Variants in GTF3C1 observed in about 807,000 individuals in gnomAD.
GTF3C1 encodes general transcription factor IIIC subunit 1, also known as general transcription factor 3C polypeptide 1.
GTF3C1 carries 57 observed loss-of-function variants against 226.7 expected under a neutral mutation model. That is an observed-to-expected ratio of 0.25 (90% CI 0.20 to 0.31). The LOEUF (loss-of-function observed/expected upper bound fraction) is 0.31. Ranked by LOEUF, GTF3C1 falls within the 10% of genes least tolerant of loss-of-function variation. The probability of loss-of-function intolerance (pLI) is 1.00; values close to 1 mark genes in which losing one functional copy is unlikely to be tolerated. For synonymous variants in GTF3C1, 1,090 were observed against 1,084.8 expected, an observed-to-expected ratio of 1.00 and a Z score of -0.09; for missense variants, 2,217 against 2,776.1, an observed-to-expected ratio of 0.80 and a Z score of 4.53.
intron 6 of GTF3C1, among the ~76,000 whole-genome samples, chr16:27,520,920 T>C (rs1026482702): frequency 6.6e-6 from 1 of 152,252 alleles, no homozygotes; most frequent in African/African-American, 2.4e-5. Context: ...GGTTTCACCA[T>C]GTTGGCCAGG....
chr16:27,546,939 G>A (rs911786638), intron 1 of GTF3C1, among the ~76,000 whole-genome samples: 2 of 151,878 alleles, frequency 1.3e-5, no homozygotes, highest in Non-Finnish European at 1.5e-5. Context: ...GCTAATTTTT[G>A]TATTTTTAGT....
chr16:27,492,147 A>G lies in GTF3C1; in HGVS notation c.3151+191T>C, dbSNP rs561404357. ...GGGCTCAACTGAGTGGGGGAACCGG[A>G]AGCACCCCACCCATTCAAGGCCCGC... On this transcript the variant is annotated intron_variant, in intron 19 of 36. Coordinates refer to ENST00000356183, the MANE Select transcript of GTF3C1 (RefSeq NM_001520.4). The surrounding 1 kb of genome is among the most constrained non-coding windows in gnomAD (Gnocchi z 5.0). Among the ~76,000 whole-genome samples, 1 of 152,306 alleles carries G rather than the reference A, an allele frequency of 6.6e-6. No homozygotes were observed. Among genetic ancestry groups the G allele is most frequent in the South Asian group, 2.1e-4 (1 of 4,810 alleles).
chr16:27,520,754 C>T (rs750190074), intron 6 of GTF3C1, among the ~76,000 whole-genome samples: 1 of 152,174 alleles, frequency 6.6e-6, no homozygotes, highest in African/African-American at 2.4e-5. Context: ...GAGTTTTGCT[C>T]TGTCGCCCAG....
Position 27,511,888 on chromosome 16 carries a change from C to T in GTF3C1, c.987G>A (p.Met329Ile), listed in dbSNP as rs1429475674. 1 of 1,614,096 alleles carries T rather than the reference C, an allele frequency of 6.2e-7. No individual in the cohort carries two copies. The change falls in exon 7 of 37, where the codon ATG becomes ATA. Residue 329 changes from methionine (M) to isoleucine (I), a missense_variant. Met to Ile is a conservative substitution (Grantham distance 10). This residue lies in a region of GTF3C1 where 163 missense variants were observed against 234.3 expected (regional missense o/e 0.70). Transcript: ENST00000356183. ...CCTTCAGCAGCTTGAGGCACCGAAC[C>T]ATGACGTCGGTCCCTGGCAACACAA... ...PCKTKKGTDV[M>I]VRCLKLLKEF...
rs549950557 is a variant in GTF3C1, at chr16:27,504,760, C to T, written c.1770+1139G>A. Among the ~76,000 whole-genome samples, 9 of 151,644 alleles carry T rather than the reference C, an allele frequency of 5.9e-5. No individual in the cohort carries two copies. In the East Asian group the frequency reaches 1.6e-3, roughly 26 times the overall value. On this transcript the variant is annotated intron_variant, in intron 10 of 36. Coordinates refer to ENST00000356183, the MANE Select transcript of GTF3C1 (RefSeq NM_001520.4). ...ATGAAACCATCTCTACAAAAAAATA[C>T]AAAAATTAGCCAGGCGCAGTGGCAT... is the stretch of plus-strand genomic sequence containing the variant.
intron 32 of GTF3C1, among the ~76,000 whole-genome samples, chr16:27,468,902 GCA>G (rs1429725443): frequency 6.6e-6 from 1 of 152,212 alleles, no homozygotes; most frequent in Non-Finnish European, 1.5e-5. Context: ...TTTCCTAAGA[GCA>G]CACACTTTAG....
At chr16:27,541,634 T>C (rs1418364554) in intron 2 of GTF3C1, among the ~76,000 whole-genome samples, 1 of 152,118 alleles carries the variant, frequency 6.6e-6, no homozygotes, top group Non-Finnish European at 1.5e-5. Context: ...GGAGTCAGGT[T>C]GAAGTCTGAA....
At chr16:27,546,402 G>A (rs555500302) in intron 1 of GTF3C1, among the ~76,000 whole-genome samples, 1 of 146,010 alleles carries the variant, frequency 6.8e-6, no homozygotes, top group African/African-American at 2.6e-5. Flanking sequence ...TTTCTTCCAT[G>A]TGCCTCTTAC....
chr16:27,502,938 C>G lies in GTF3C1; in HGVS notation c.1828G>C (p.Glu610Gln). 6.2e-7 allele frequency: 1 copy of G among 1,613,510 alleles called. No individual in the cohort carries two copies. Among genetic ancestry groups the G allele is most frequent in the South Asian group, 1.1e-5 (1 of 90,988 alleles). The change falls in exon 11 of 37, where the codon GAA becomes CAA. Residue 610 changes from glutamate to glutamine, a missense_variant. Glu to Gln is a conservative substitution (Grantham distance 29). Coordinates refer to ENST00000356183, the MANE Select transcript of GTF3C1 (RefSeq NM_001520.4). ...RHSSGQDKPH[E>Q]TYRLLKRRNL... ...CTGCGTTTCAGCAGTCGGTAAGTTTCGTGTGGTTTGTCTTGGCCTGAGCTG... is the reference window on the plus strand; with the variant it reads ...CTGCGTTTCAGCAGTCGGTAAGTTTGGTGTGGTTTGTCTTGGCCTGAGCTG...
In GTF3C1 at chr16:27,484,225, G is replaced by T; in HGVS notation, c.3987C>A (p.Ala1329=). The T allele has an allele frequency of 6.2e-7, 1 of 1,607,192 alleles. No homozygotes were observed. The highest frequency in any genetic ancestry group is 8.5e-7 in the Non-Finnish European group (1 of 1,173,706). The change falls in exon 25 of 37, where the codon GCC becomes GCA. Residue 1329 remains alanine (A), a synonymous_variant. Transcript: ENST00000356183. The part of the protein sequence containing the change: ...RARYIVKNPQ[A]YLNYKVCLAE... ...ATGAGGCTTACTTATAGTTGAGATAGGCCTGTGGGTTTTTGACTATGTAGC... is the reference window on the plus strand; with the variant it reads ...ATGAGGCTTACTTATAGTTGAGATATGCCTGTGGGTTTTTGACTATGTAGC...
At chr16:27,532,583 T>G (rs2088933889) in intron 5 of GTF3C1, among the ~76,000 whole-genome samples, 1 of 152,068 alleles carries the variant, frequency 6.6e-6, no homozygotes, top group Admixed American at 6.5e-5. Context: ...CAGCCTCTGC[T>G]CTGGGGCCCA....
chr16:27,492,493 T>C lies in GTF3C1; in HGVS notation c.2996A>G (p.Asn999Ser), dbSNP rs1169362065. Residue 999 changes from asparagine (N) to serine (S), a missense_variant, in exon 19 of 37, where the codon AAT becomes AGT. Around this residue, in one of 12 missense-constraint regions of GTF3C1, gnomAD observed 353 missense variants for 411.7 expected, o/e 0.86. Transcript: ENST00000356183. The surrounding 1 kb of genome is among the most constrained non-coding windows in gnomAD (Gnocchi z 5.0). ...GATGGTAGTGTCAACAATGACTGCA[T>C]TCTTCTTCAAGAAGATAAAGACCTA... ...KDQVFIFLKKNAVIVDTTICD... is the reference protein window; with the variant it reads ...KDQVFIFLKKSAVIVDTTICD... 2 of 1,613,330 alleles carry C rather than the reference T, an allele frequency of 1.2e-6. No individual in the cohort carries two copies. Among genetic ancestry groups the C allele is most frequent in the African/African-American group, 2.7e-5 (2 of 74,878 alleles).
chr16:27,504,629 G>C (rs2088456372), intron 10 of GTF3C1, among the ~76,000 whole-genome samples: 1 of 152,162 alleles, frequency 6.6e-6, no homozygotes, highest in Non-Finnish European at 1.5e-5. Flanking sequence ...GAATGAAACA[G>C]CAGTGGCCAG....
Position 27,486,079 on chromosome 16 carries a change from G to A in GTF3C1, c.3776C>T (p.Thr1259Met), listed in dbSNP as rs374165710. The A allele has an allele frequency of 2.0e-4, 324 of 1,607,698 alleles. No individual in the cohort carries two copies. The highest frequency in any genetic ancestry group is 2.5e-4 in the Non-Finnish European group (297 of 1,174,346). ...EADQSALQRM[T>M]RLRVTWSMQE... ...CATAGACCAGGTGACACGAAGCCGC[G>A]TCATCCGCTGCAGGGCACTCTGGTC... Residue 1259 changes from threonine (T) to methionine (M), a missense_variant, in exon 24 of 37, where the codon ACG (threonine) becomes ATG (methionine). Around this residue, in one of 12 missense-constraint regions of GTF3C1, gnomAD observed 546 missense variants for 663.0 expected, o/e 0.82. Coordinates refer to ENST00000356183, the MANE Select transcript of GTF3C1 (RefSeq NM_001520.4).
At position 27,530,624 on chromosome 16, in the gene GTF3C1, G is replaced by T. The variant is rs796280067; in HGVS notation, c.850-1903C>A. On this transcript the variant is annotated intron_variant, in intron 5 of 36. Transcript: ENST00000356183. Reference sequence around the variant, plus strand: ...CCAGCTGTTGACTAGACATCACCAGGGGATAGTCATGGAAGATCTTCATAC... The same window carrying T: ...CCAGCTGTTGACTAGACATCACCAGTGGATAGTCATGGAAGATCTTCATAC... Among the ~76,000 whole-genome samples, 6 of 152,102 alleles carry T rather than the reference G, an allele frequency of 3.9e-5. No individual in the cohort carries two copies. In the South Asian group the frequency reaches 1.2e-3, roughly 32 times the overall value.
intron 10 of GTF3C1, among the ~76,000 whole-genome samples, chr16:27,504,666 A>G (rs907840733): frequency 6.6e-6 from 1 of 151,972 alleles, no homozygotes; most frequent in African/African-American, 2.4e-5. Flanking sequence ...CTGGAATCCC[A>G]GCACTTTGGG....
In GTF3C1 at chr16:27,538,271, G is replaced by A; in HGVS notation, c.517C>T (p.Leu173=). 1 of 1,609,790 alleles carries A rather than the reference G, an allele frequency of 6.2e-7. No homozygotes were observed. Among genetic ancestry groups the A allele is most frequent in the Non-Finnish European group, 8.5e-7 (1 of 1,176,002 alleles). The part of the protein sequence containing the change: ...IGQEGDPDLK[L]PDFSYCILER... The stretch of plus-strand genomic sequence containing the variant: ...AGGATGCAGTAGGAGAAGTCGGGCA[G>A]CTTCAGGTCGGGATCCCCCTCCTGG... Residue 173 remains leucine, a synonymous_variant, in exon 3 of 37, where the codon CTG becomes TTG. Transcript: ENST00000356183.
chr16:27,524,377 T>C (rs967189961), intron 6 of GTF3C1, among the ~76,000 whole-genome samples: 2 of 152,236 alleles, frequency 1.3e-5, no homozygotes, highest in Admixed American at 6.5e-5. Context: ...CACGGCTAGA[T>C]TGGGCCTGTG....
chr16:27,549,631 G>GCCCCCCCCCCCCCCCCCCCCCCCC, intron 1 of GTF3C1, 39 bp downstream of exon 1: 1 of 691,952 alleles, frequency 1.4e-6, no homozygotes, highest in Non-Finnish European at 2.4e-6. Context: ...CGGGCCCTGC[G>GCCCCCCCCCCCCCCCCCCCCCCCC]CCCGCCCGCC....
Sources: allele counts gnomAD v4.1 joint callset (sites outside exome capture counted in the v4.1 genomes callset), GRCh38; gene constraint gnomAD v4.1.1; regional missense constraint gnomAD v4.1.1; non-coding constraint Gnocchi (gnomAD v3.1); transcripts MANE v1.5; gene names NCBI Gene and HGNC (gene_info 2026-07-23, HGNC 2026-07-21).